TCF4: variants seen among roughly 807,000 people sequenced by gnomAD.
The protein encoded by TCF4 is transcription factor 4.
A neutral mutation model predicts 82.1 loss-of-function variants in TCF4; 3 were observed. The observed-to-expected ratio is 0.04, with a 90% CI of 0.02 to 0.09. TCF4 has a LOEUF of 0.09. Ranked by LOEUF, TCF4 falls within the 10% of genes least tolerant of loss-of-function variation. The pLI, the probability that TCF4 is intolerant of heterozygous loss-of-function variation, is 1.00. For missense variants in TCF4, 518 were observed against 852.7 expected, an observed-to-expected ratio of 0.61 and a Z score of 4.89; for synonymous variants, 276 against 309.6, an observed-to-expected ratio of 0.89 and a Z score of 1.14.
intron 3 of TCF4, among the ~76,000 whole-genome samples, chr18:55,558,057 G>A (rs2097320067): frequency 6.6e-6 from 1 of 151,850 alleles, no homozygotes; most frequent in Non-Finnish European, 1.5e-5. Flanking sequence ...GTTTAAAAAT[G>A]AAAAACTAGC....
At chr18:55,523,485 T>C (rs539867274) in intron 3 of TCF4, among the ~76,000 whole-genome samples, 1 of 152,094 alleles carries the variant, frequency 6.6e-6, no homozygotes, top group Admixed American at 6.5e-5. Flanking sequence ...TATGAATTTA[T>C]TTAAATAATC....
chr18:55,609,397 G>A (rs532240866), intron 2 of TCF4, among the ~76,000 whole-genome samples: 2 of 152,228 alleles, frequency 1.3e-5, no homozygotes, highest in Admixed American at 6.5e-5. Context: ...TTCAGAATTT[G>A]CTTTCTGAAT....
Position 55,602,212 on chromosome 18 carries a change from G to A in TCF4, c.287-15076C>T, listed in dbSNP as rs529947912. Among the ~76,000 whole-genome samples the A allele has an allele frequency of 9.9e-5, 15 of 152,280 alleles. No homozygotes were observed. The South Asian group carries it at 2.5e-3, about 25-fold the overall frequency. ...CCATTTTATAGTTGAGGAAACTGAG[G>A]CAGAGAGAAATTAAGTAACTTGCTC... On this transcript the variant is annotated intron_variant, in intron 2 of 20. Transcript: ENST00000398339.
At chr18:55,254,461 A>T in intron 15 of TCF4, 36 bp downstream of exon 15, 1 of 1,595,172 alleles carries the variant, frequency 6.3e-7, no homozygotes, top group Non-Finnish European at 8.6e-7. Context: ...CTAACTCTAT[A>T]TGATAACTAT....
At chr18:55,417,790 T>TA (rs1371926601) in intron 5 of TCF4, among the ~76,000 whole-genome samples, 1 of 152,188 alleles carries the variant, frequency 6.6e-6, no homozygotes, top group African/African-American at 2.4e-5. Flanking sequence ...ATAAAATTGA[T>TA]AAAATCACTG....
chr18:55,321,689 T>C (rs2147492278), intron 8 of TCF4: 1 of 1,536,142 alleles, frequency 6.5e-7, no homozygotes, highest in South Asian at 1.2e-5. Context: ...ATTATAGTAG[T>C]ACATCAAAGA....
At chr18:55,627,596 C>G (rs1034595292) in intron 2 of TCF4, among the ~76,000 whole-genome samples, 1 of 151,294 alleles carries the variant, frequency 6.6e-6, no homozygotes, top group African/African-American at 2.4e-5. Flanking sequence ...AAACCCCCGT[C>G]TTTACTGAAA....
At chr18:55,599,429 G>A (rs2097694392) in intron 2 of TCF4, among the ~76,000 whole-genome samples, 3 of 152,172 alleles carry the variant, frequency 2.0e-5, no homozygotes, top group Non-Finnish European at 4.4e-5. Context: ...GAGAAAAAAA[G>A]AAAGCTGCAG....
At chr18:55,452,138 T>TC (rs142343069) in intron 5 of TCF4, among the ~76,000 whole-genome samples, 7,290 of 152,228 alleles carry the variant, frequency 0.048, 186 homozygotes, top group African/African-American at 0.062. Context: ...AGATGGTCCT[T>TC]CCCCCTGCCT....
chr18:55,465,636 C>A (rs1379953971), intron 3 of TCF4, among the ~76,000 whole-genome samples: 1 of 152,094 alleles, frequency 6.6e-6, no homozygotes, highest in Non-Finnish European at 1.5e-5. Flanking sequence ...GCTGGCCTAT[C>A]CTGTATATGT....
intron 6 of TCF4, among the ~76,000 whole-genome samples, chr18:55,368,866 A>G (rs765075765): frequency 6.6e-6 from 1 of 152,236 alleles, no homozygotes; most frequent in Non-Finnish European, 1.5e-5. Flanking sequence ...CATTTGTGAG[A>G]CAACTGAGGA....
At chr18:55,587,935 C>T (rs1287002460) in intron 1 of TCF4, 103 bp downstream of exon 1, 5 of 928,772 alleles carry the variant, frequency 5.4e-6, no homozygotes, top group Non-Finnish European at 6.4e-6. Context: ...CGCCGGGAGC[C>T]CGCGGCGCGG....
At chr18:55,579,009 C>T (rs937879632) in intron 3 of TCF4, among the ~76,000 whole-genome samples, 14 of 151,568 alleles carry the variant, frequency 9.2e-5, no homozygotes, top group Non-Finnish European at 1.9e-4. Flanking sequence ...TTAACTGGGC[C>T]TTTATCTTTG....
intron 8 of TCF4, among the ~76,000 whole-genome samples, chr18:55,340,423 A>G (rs1216034221): frequency 6.6e-6 from 1 of 151,978 alleles, no homozygotes; most frequent in Admixed American, 6.6e-5. Flanking sequence ...TACCAAAAAA[A>G]AAGAAAAAAA....
intron 6 of TCF4, chr18:55,351,883 G>C (rs2082392809): frequency 2.3e-6 from 2 of 887,530 alleles, no homozygotes; most frequent in Non-Finnish European, 2.7e-6. Flanking sequence ...AGAGTAGATA[G>C]TACCATTTAT....
chr18:55,463,854 G>A (rs1368539903), intron 4 of TCF4, among the ~76,000 whole-genome samples: 1 of 151,986 alleles, frequency 6.6e-6, no homozygotes, highest in Non-Finnish European at 1.5e-5. Context: ...ATAAGAGAAT[G>A]GGGGAAAAAA....
At chr18:55,279,789 A>G (rs1412565056) in intron 8 of TCF4, 133 bp from the exon 9 acceptor site, 3 of 1,396,432 alleles carry the variant, frequency 2.1e-6, no homozygotes, top group Non-Finnish European at 2.9e-6. Context: ...CAAACCCTAG[A>G]AACAGTGCCC....
Position 55,339,355 on chromosome 18 carries a change from AC to A in TCF4, c.549+11003del, listed in dbSNP as rs148717065. Among the ~76,000 whole-genome samples, 1,275 of 152,342 alleles carry A rather than the reference AC, an allele frequency of 8.4e-3. 14 individuals carry two copies. Among genetic ancestry groups the A allele is most frequent in the Middle Eastern group, 0.037 (11 of 294 alleles). On this transcript the variant is annotated intron_variant, in intron 8 of 19. Coordinates refer to ENST00000354452, the MANE Select transcript of TCF4 (RefSeq NM_001083962.2). The stretch of plus-strand genomic sequence containing the variant: ...CTTTTGGTGAGGAACACGGCAATCC[AC>A]TGCCAACGTGTACTTGCCATAAAAA...
At chr18:55,540,518 C>G (rs1209051540) in intron 3 of TCF4, among the ~76,000 whole-genome samples, 2 of 151,920 alleles carry the variant, frequency 1.3e-5, no homozygotes, top group Non-Finnish European at 2.9e-5. Context: ...ATCTGATACT[C>G]CTCCCACAGT....
Sources: allele counts gnomAD v4.1 joint callset (sites outside exome capture counted in the v4.1 genomes callset), GRCh38; gene constraint gnomAD v4.1.1; transcripts MANE v1.5; gene names NCBI Gene and HGNC (gene_info 2026-07-23, HGNC 2026-07-21).